FHIT: variants seen among roughly 807,000 people sequenced by gnomAD.
The protein encoded by FHIT is bis(5'-adenosyl)-triphosphatase.
Under a neutral mutation model 17.9 loss-of-function variants are expected in FHIT, and 19 were observed. The observed-to-expected ratio is 1.06, with a 90% CI of 0.74 to 1.56. The LOEUF (loss-of-function observed/expected upper bound fraction) is 1.56. Among genes scored for constraint, FHIT ranks in the 40% most tolerant of loss-of-function variants. The pLI, the probability that FHIT is intolerant of heterozygous loss-of-function variation, is 0.00. For missense variants in FHIT, 248 were observed against 189.2 expected (o/e 1.31, Z -1.82); for synonymous variants, 81 against 69.7 (o/e 1.16, Z -0.81).
rs71092627 is a variant in FHIT, at chr3:60,668,554, CTTTTTTTTTT to C, written c.-17-131585_-17-131576del. 5.1e-4 allele frequency among the ~76,000 whole-genome samples: 28 copies of C among 54,842 alleles called. 1 individual carries two copies. In the South Asian group the frequency reaches 0.027, roughly 52 times the overall value. The allele number at this position is 54,842 out of a possible 152,430, so 36.0% of individuals were successfully genotyped here. Reference sequence around the variant, plus strand: ...CCAGGCCTAGGGAGGCCAGCTCATTCTTTTTTTTTTTTTTTTTTTTTTTTTGAGACGGAAT... The same window carrying C: ...CCAGGCCTAGGGAGGCCAGCTCATTCTTTTTTTTTTTTTTTGAGACGGAAT... On this transcript the variant is annotated intron_variant, in intron 4 of 9. Coordinates refer to ENST00000492590, the MANE Select transcript of FHIT (RefSeq NM_002012.4).
At chr3:60,190,211 A>G (rs1442748218) in intron 5 of FHIT, among the ~76,000 whole-genome samples, 1 of 152,172 alleles carries the variant, frequency 6.6e-6, no homozygotes, top group Non-Finnish European at 1.5e-5. Context: ...GAACCAAAAT[A>G]ACGTCCCACA....
At chr3:60,493,604 A>G (rs544360423) in intron 5 of FHIT, among the ~76,000 whole-genome samples, 4 of 152,310 alleles carry the variant, frequency 2.6e-5, no homozygotes, top group South Asian at 4.1e-4. Flanking sequence ...TTTCAGTTTA[A>G]TGCTCTATTT....
At chr3:61,125,555 C>T (rs1286708984) in intron 2 of FHIT, among the ~76,000 whole-genome samples, 1 of 152,166 alleles carries the variant, frequency 6.6e-6, no homozygotes, top group Non-Finnish European at 1.5e-5. Flanking sequence ...GTCCCAGAAA[C>T]TTTGCAAATC....
intron 2 of FHIT, among the ~76,000 whole-genome samples, chr3:61,111,721 A>C (rs9820046): frequency 0.067 from 10,243 of 152,290 alleles, 748 homozygotes; most frequent in African/African-American, 0.19. Flanking sequence ...ATACTAATTT[A>C]ATACCAACAT....
intron 1 of FHIT, among the ~76,000 whole-genome samples, chr3:61,227,603 A>C (rs2040001063): frequency 6.6e-6 from 1 of 152,204 alleles, no homozygotes; most frequent in Admixed American, 6.5e-5. Flanking sequence ...TGTACCAACT[A>C]CATGCCACAA....
intron 2 of FHIT, among the ~76,000 whole-genome samples, chr3:61,118,052 A>G (rs913812351): frequency 6.6e-6 from 1 of 152,150 alleles, no homozygotes; most frequent in African/African-American, 2.4e-5. Flanking sequence ...AACTGATTCT[A>G]TCTTCAGGAA....
At chr3:60,563,680 G>A (rs1262011582) in intron 4 of FHIT, among the ~76,000 whole-genome samples, 1 of 152,168 alleles carries the variant, frequency 6.6e-6, no homozygotes, top group Non-Finnish European at 1.5e-5. Flanking sequence ...GATCAAACAA[G>A]CCACAACATT....
At chr3:59,909,044 ATTT>A (rs1050292878) in intron 8 of FHIT, among the ~76,000 whole-genome samples, 4 of 151,172 alleles carry the variant, frequency 2.6e-5, no homozygotes, top group African/African-American at 9.7e-5. Flanking sequence ...ATTCCTTTTT[ATTT>A]TTTTGAGACA....
chr3:60,818,229 G>A (rs1466366999), intron 4 of FHIT, among the ~76,000 whole-genome samples: 1 of 152,072 alleles, frequency 6.6e-6, no homozygotes, highest in Non-Finnish European at 1.5e-5. Flanking sequence ...GCTCATCTTG[G>A]AATTGGTCTC....
intron 3 of FHIT, among the ~76,000 whole-genome samples, chr3:60,955,637 C>CGT (rs1709116222): frequency 2.2e-4 from 6 of 26,760 alleles, no homozygotes; most frequent in Non-Finnish European, 5.0e-4. Flanking sequence ...TATATATACA[C>CGT]ACACACACAT....
chr3:60,381,783 C>G (rs9860090), intron 5 of FHIT, among the ~76,000 whole-genome samples: 39,811 of 150,994 alleles, frequency 0.26, 5,388 homozygotes, highest in East Asian at 0.48. Flanking sequence ...CATGGATAGA[C>G]TAGAGGCTTA....
intron 8 of FHIT, among the ~76,000 whole-genome samples, chr3:59,767,944 T>G (rs1200295163): frequency 6.6e-6 from 1 of 152,200 alleles, no homozygotes; most frequent in Non-Finnish European, 1.5e-5. Context: ...CTCTTTTGCA[T>G]ACAGAATGTT....
intron 5 of FHIT, among the ~76,000 whole-genome samples, chr3:60,380,784 T>C (rs959547229): frequency 1.3e-5 from 2 of 152,206 alleles, no homozygotes; most frequent in African/African-American, 4.8e-5. Context: ...AAGGCAAAGA[T>C]GAATATTTCT....
At chr3:60,421,009 G>A (rs1309409358) in intron 5 of FHIT, among the ~76,000 whole-genome samples, 1 of 147,514 alleles carries the variant, frequency 6.8e-6, no homozygotes, top group Non-Finnish European at 1.5e-5. Context: ...CCTCTGTAAA[G>A]AACTAAGATT....
At chr3:60,302,099 T>C (rs116779538) in intron 5 of FHIT, among the ~76,000 whole-genome samples, 1 of 152,152 alleles carries the variant, frequency 6.6e-6, no homozygotes, top group Non-Finnish European at 1.5e-5. Context: ...AGGTTCCAAT[T>C]AGAAATTTAA....
At chr3:60,210,918 C>G (rs1703421161) in intron 5 of FHIT, among the ~76,000 whole-genome samples, 1 of 151,842 alleles carries the variant, frequency 6.6e-6, no homozygotes, top group Non-Finnish European at 1.5e-5. Context: ...AAAAGACACA[C>G]TAGCAAAGAT....
chr3:60,247,870 T>C (rs1705483499), intron 5 of FHIT, among the ~76,000 whole-genome samples: 2 of 152,310 alleles, frequency 1.3e-5, no homozygotes, highest in East Asian at 1.9e-4. Flanking sequence ...TAGCACACAG[T>C]AAAGACTTAA....
At chr3:59,965,176 T>C (rs1027055816) in intron 7 of FHIT, among the ~76,000 whole-genome samples, 1 of 152,142 alleles carries the variant, frequency 6.6e-6, no homozygotes, top group Non-Finnish European at 1.5e-5. Flanking sequence ...GCATGCATTT[T>C]TATTAAAACA....
intron 4 of FHIT, among the ~76,000 whole-genome samples, chr3:60,539,929 T>C (rs2036128027): frequency 6.6e-6 from 1 of 150,432 alleles, no homozygotes; most frequent in Admixed American, 6.6e-5. Context: ...ACCCTAGAAC[T>C]TAAAGTATAA....
Sources: allele counts gnomAD v4.1 joint callset (sites outside exome capture counted in the v4.1 genomes callset), GRCh38; gene constraint gnomAD v4.1.1; transcripts MANE v1.5; gene names NCBI Gene and HGNC (gene_info 2026-07-23, HGNC 2026-07-21).